CPM: variants seen among roughly 807,000 people sequenced by gnomAD.
CPM encodes the protein renal carboxypeptidase.
In CPM, 35 loss-of-function variants were observed where a neutral mutation model predicts 46.4. The ratio of observed to expected loss-of-function variants is 0.75; its 90% confidence interval spans 0.58 to 1.00. The LOEUF is 1.00. Ranked by LOEUF, CPM falls within the 50% of genes least tolerant of loss-of-function variation. The pLI is 0.00. For synonymous variants in CPM, 195 were observed against 195.3 expected, an observed-to-expected ratio of 1.00 and a Z score of 0.01; for missense variants, 422 against 530.4, an observed-to-expected ratio of 0.80 and a Z score of 2.01.
chr12:68,899,061 C>T (rs1302889421), intron 2 of CPM, among the ~76,000 whole-genome samples: 2 of 152,076 alleles, frequency 1.3e-5, no homozygotes, highest in Non-Finnish European at 2.9e-5. Context: ...GGATAGACTG[C>T]CAATTTGTTA....
At chr12:68,905,385 A>T (rs1887302100) in intron 2 of CPM, among the ~76,000 whole-genome samples, 1 of 151,890 alleles carries the variant, frequency 6.6e-6, no homozygotes, top group South Asian at 2.1e-4. Flanking sequence ...GGCTCAAAGA[A>T]TCCTCCCACA....
At chr12:68,875,520 A>G (rs1885910116) in intron 3 of CPM, among the ~76,000 whole-genome samples, 1 of 151,522 alleles carries the variant, frequency 6.6e-6, no homozygotes. Context: ...AAATCTGATC[A>G]TCAAGCTGGG....
chr12:68,870,222 ACCATTATCAAATG>A lies in CPM; in HGVS notation c.596_608del (p.Pro199LeufsTer13). The A allele has an allele frequency of 6.2e-7, 1 of 1,613,222 alleles. No individual in the cohort carries two copies. Among genetic ancestry groups the A allele is most frequent in the Non-Finnish European group, 8.5e-7 (1 of 1,179,704 alleles). On this transcript the variant is annotated frameshift_variant, in exon 5 of 9. Coordinates refer to ENST00000551568, the MANE Select transcript of CPM (RefSeq NM_198320.5). LOFTEE classifies it high-confidence loss of function. Reference sequence around the variant, plus strand: ...GGACCCGCACCTGCTTACCTTGAACACCATTATCAAATGGGTAACTGGCCACGAGGGCACCACC... The same window carrying A: ...GGACCCGCACCTGCTTACCTTGAACAGGTAACTGGCCACGAGGGCACCACC...
chr12:68,872,066 C>T (rs1213525659), intron 3 of CPM, 110 bp from the exon 4 acceptor site: 7 of 1,082,898 alleles, frequency 6.5e-6, no homozygotes, highest in Non-Finnish European at 8.0e-6. Flanking sequence ...ATATCTCAGA[C>T]CCAAACTAGT....
chr12:68,911,557 C>T (rs575831038), intron 2 of CPM, among the ~76,000 whole-genome samples: 2 of 152,286 alleles, frequency 1.3e-5, no homozygotes, highest in African/African-American at 4.8e-5. Flanking sequence ...CTGTGCCTGA[C>T]ATCAAAGATG....
chr12:68,871,474 G>T (rs1321260463), intron 4 of CPM, among the ~76,000 whole-genome samples: 3 of 152,178 alleles, frequency 2.0e-5, no homozygotes. Flanking sequence ...TGTGTAAAAT[G>T]CTGAGGTAAG....
chr12:68,960,349 T>G (rs923572857), intron 1 of CPM, among the ~76,000 whole-genome samples: 6 of 152,230 alleles, frequency 3.9e-5, no homozygotes, highest in African/African-American at 1.4e-4. Flanking sequence ...TATTTAAAAC[T>G]TGTAAATATT....
Position 68,871,904 on chromosome 12 carries a change from T to A in CPM, c.311A>T (p.Asp104Val), listed in dbSNP as rs1245713092. 1 of 1,614,038 alleles carries A rather than the reference T, an allele frequency of 6.2e-7. No individual in the cohort carries two copies. The highest frequency in any genetic ancestry group is 8.5e-7 in the Non-Finnish European group (1 of 1,180,044). The change falls in exon 4 of 9, where the codon GAT (aspartate) becomes GTT (valine). Residue 104 changes from aspartate (D) to valine (V), a missense_variant. Transcript: ENST00000551568. ...LHLIDYLVTS[D>V]GKDPEITNLI... The stretch of plus-strand genomic sequence containing the variant: ...ATTTGTGATTTCAGGGTCTTTGCCA[T>A]CACTGGTTACGAGATAGTCAATCAG...
At chr12:68,932,360 G>A (rs567356737) in intron 2 of CPM, among the ~76,000 whole-genome samples, 3 of 152,292 alleles carry the variant, frequency 2.0e-5, no homozygotes, top group South Asian at 2.1e-4. Context: ...ACTTACTTGG[G>A]AGTTTATCTT....
intron 5 of CPM, among the ~76,000 whole-genome samples, 165 bp downstream of exon 5, chr12:68,870,050 G>A (rs539471050): frequency 6.6e-6 from 1 of 152,326 alleles, no homozygotes; most frequent in East Asian, 1.9e-4. Context: ...CCCATCTGCT[G>A]TTGAAGAATC....
intron 3 of CPM, among the ~76,000 whole-genome samples, chr12:68,878,303 G>T (rs1886044424): frequency 6.6e-6 from 1 of 152,210 alleles, no homozygotes; most frequent in African/African-American, 2.4e-5. Context: ...TTTCCTGAAT[G>T]TAGGACTAAC....
chr12:68,918,842 T>C (rs1445934367), intron 2 of CPM, among the ~76,000 whole-genome samples: 1 of 152,234 alleles, frequency 6.6e-6, no homozygotes, highest in East Asian at 1.9e-4. Flanking sequence ...GCTAAAGTTA[T>C]CTTTCTAAAA....
At chr12:68,920,715 C>CA (rs919941093) in intron 2 of CPM, among the ~76,000 whole-genome samples, 1 of 130,998 alleles carries the variant, frequency 7.6e-6, no homozygotes, top group Admixed American at 8.4e-5. Context: ...TTTTTTTAGA[C>CA]AGAGACTCAC....
In CPM at chr12:68,857,781, A is replaced by G. The variant is rs559418396; in HGVS notation, c.1090-1102T>C. ...TGTTAGTCTAACTAATGGGAAATGAACAATTCATAACTTTATTCTAAAGGT... is the reference window on the plus strand; with the variant it reads ...TGTTAGTCTAACTAATGGGAAATGAGCAATTCATAACTTTATTCTAAAGGT... On this transcript the variant is annotated intron_variant, in intron 8 of 8. Transcript: ENST00000551568. 9.8e-5 allele frequency among the ~76,000 whole-genome samples: 15 copies of G among 152,350 alleles called. No homozygotes were observed. In the South Asian group the frequency reaches 3.1e-3, roughly 32 times the overall value.
exon 6 of CPM, chr12:68,842,230 A>G: frequency 2.0e-6 from 1 of 498,660 alleles, no homozygotes; most frequent in Non-Finnish European, 4.0e-6. Context: ...AGCTATATTT[A>G]TAATGAACAA....
chr12:68,865,347 A>G (rs1307916540), intron 7 of CPM, among the ~76,000 whole-genome samples: 1 of 152,158 alleles, frequency 6.6e-6, no homozygotes, highest in African/African-American at 2.4e-5. Context: ...TTTACCAGTA[A>G]TCTTTGTGTA....
rs1884867932 is a variant in CPM, at chr12:68,854,429, G to T, written c.*2008C>A. ...ATGGAGAAGATTATAATACAATGTT[G>T]TAAATCCAATAGTAGAGATAACCAG... On this transcript the variant is annotated 3_prime_UTR_variant, in exon 9 of 9. Transcript: ENST00000551568. 6.6e-6 allele frequency: 1 copy of T among 152,194 alleles called. No homozygotes were observed. Among genetic ancestry groups the T allele is most frequent in the South Asian group, 2.1e-4 (1 of 4,832 alleles). 9.4% of individuals were successfully genotyped at this position (152,194 alleles called of 1,614,324 possible).
rs76675458 is a variant in CPM, at chr12:68,930,494, C to T, written c.160+2184G>A. ...GGAGCACCATCTCTCAATTGTCACA[C>T]TAATGTGCAGTGACACTTTGGCAAC... On this transcript the variant is annotated intron_variant, in intron 2 of 8. Coordinates refer to ENST00000551568, the MANE Select transcript of CPM (RefSeq NM_198320.5). Among the ~76,000 whole-genome samples the T allele has an allele frequency of 5.4e-3, 822 of 152,298 alleles. 7 individuals are homozygous for T. The highest frequency in any genetic ancestry group is 0.018 in the African/African-American group (768 of 41,562).
upstream of CPM, among the ~76,000 whole-genome samples, chr12:68,963,459 T>A (rs1250060532): frequency 6.6e-6 from 1 of 152,224 alleles, no homozygotes; most frequent in Non-Finnish European, 1.5e-5. Flanking sequence ...CTCCTACTAG[T>A]CTGCCTTTTG....
Sources: allele counts gnomAD v4.1 joint callset (sites outside exome capture counted in the v4.1 genomes callset), GRCh38; gene constraint gnomAD v4.1.1; transcripts MANE v1.5; gene names NCBI Gene and HGNC (gene_info 2026-07-23, HGNC 2026-07-21).